SMG6: variants seen among roughly 807,000 people sequenced by gnomAD.
SMG6 encodes the protein SMG6 nonsense mediated mRNA decay factor, also known as telomerase-binding protein EST1A.
Under a neutral mutation model 142.2 loss-of-function variants are expected in SMG6, and 66 were observed. That is an observed-to-expected ratio of 0.46 (90% confidence interval 0.38 to 0.57). The LOEUF is 0.57. Ranked by LOEUF, SMG6 falls within the 20% of genes least tolerant of loss-of-function variation. The probability of loss-of-function intolerance (pLI) is 0.00; values close to 1 mark genes in which losing one functional copy is unlikely to be tolerated. For missense variants in SMG6, 1,793 were observed against 1,832.0 expected, an observed-to-expected ratio of 0.98 and a Z score of 0.39; for synonymous variants, 779 against 702.4, an observed-to-expected ratio of 1.11 and a Z score of -1.72.
chr17:2,062,551 C>T (rs892782795), intron 18 of SMG6: 13 of 151,428 alleles, frequency 8.6e-5, no homozygotes, highest in Admixed American at 8.6e-4. Context: ...TTCCCTAACT[C>T]CCTAATCTTT....
chr17:2,152,070 G>C (rs1436306666), intron 13 of SMG6, among the ~76,000 whole-genome samples: 1 of 152,200 alleles, frequency 6.6e-6, no homozygotes, highest in Non-Finnish European at 1.5e-5. Context: ...CTGACCTCTC[G>C]GGTATTCTGT....
chr17:2,183,982 G>C (rs1428257146), intron 12 of SMG6, among the ~76,000 whole-genome samples: 1 of 152,106 alleles, frequency 6.6e-6, no homozygotes, highest in Non-Finnish European at 1.5e-5. Flanking sequence ...CACAAACATG[G>C]ACACAACACA....
intron 4 of SMG6, among the ~76,000 whole-genome samples, chr17:2,297,023 A>AAAAG (rs895832519): frequency 4.6e-5 from 7 of 151,692 alleles, no homozygotes; most frequent in African/African-American, 7.3e-5. Flanking sequence ...AAAAAAAAAA[A>AAAAG]AAAGAAAGAA....
intron 8 of SMG6, among the ~76,000 whole-genome samples, chr17:2,246,895 A>C (rs1298614601): frequency 6.6e-6 from 1 of 152,180 alleles, no homozygotes; most frequent in African/African-American, 2.4e-5. Flanking sequence ...GCAGTGAGCC[A>C]AGATCATACC....
chr17:2,098,932 T>G (rs2068932978), intron 13 of SMG6, among the ~76,000 whole-genome samples: 1 of 152,134 alleles, frequency 6.6e-6, no homozygotes, highest in African/African-American at 2.4e-5. Context: ...TGCCTGGCCA[T>G]GTTACATGAA....
At chr17:2,147,739 A>G (rs1307641254) in intron 13 of SMG6, among the ~76,000 whole-genome samples, 1 of 152,334 alleles carries the variant, frequency 6.6e-6, no homozygotes, top group South Asian at 2.1e-4. Flanking sequence ...TCAAAACCAC[A>G]GTGCAATACT....
At chr17:2,162,805 C>A (rs2071222855) in intron 13 of SMG6, among the ~76,000 whole-genome samples, 3 of 152,084 alleles carry the variant, frequency 2.0e-5, no homozygotes, top group African/African-American at 4.8e-5. Context: ...TCAAGAAAAT[C>A]TTTTCTTTTC....
Position 2,098,551 on chromosome 17 carries a change from T to C in SMG6, c.3358-12650A>G, listed in dbSNP as rs561234246. ...TCATCTTGTCATTTACTTCTCCCCA[T>C]TGCAACCTATTAAGTTCTCTTTGGA... On this transcript the variant is annotated intron_variant, in intron 13 of 18. Transcript: ENST00000263073. Among the ~76,000 whole-genome samples, 16 of 152,320 alleles carry C rather than the reference T, an allele frequency of 1.1e-4. No individual in the cohort carries two copies. The South Asian group carries it at 3.1e-3, about 30-fold the overall frequency.
intron 8 of SMG6, among the ~76,000 whole-genome samples, chr17:2,257,056 A>G (rs930644303): frequency 4.0e-5 from 6 of 148,312 alleles, no homozygotes; most frequent in African/African-American, 1.5e-4. Context: ...GCTCACTGCA[A>G]CCTCCACCTC....
intron 10 of SMG6, among the ~76,000 whole-genome samples, chr17:2,205,440 A>G (rs1282240242): frequency 6.6e-6 from 1 of 152,194 alleles, no homozygotes; most frequent in Non-Finnish European, 1.5e-5. Flanking sequence ...TTATACCACA[A>G]TTCACAAAAG....
intron 13 of SMG6, among the ~76,000 whole-genome samples, chr17:2,133,562 G>A (rs1318448336): frequency 6.6e-6 from 1 of 152,100 alleles, no homozygotes; most frequent in Non-Finnish European, 1.5e-5. Context: ...TTAGACACAG[G>A]GTCTCAATAT....
intron 8 of SMG6, among the ~76,000 whole-genome samples, chr17:2,280,355 C>T (rs752717602): frequency 3.3e-5 from 5 of 152,126 alleles, no homozygotes; most frequent in East Asian, 1.9e-4. Flanking sequence ...CTCCGCCTCC[C>T]GGGTTCAAGC....
At chr17:2,255,276 C>A (rs955754793) in intron 8 of SMG6, among the ~76,000 whole-genome samples, 1 of 150,298 alleles carries the variant, frequency 6.7e-6, no homozygotes, top group Non-Finnish European at 1.5e-5. Flanking sequence ...TGGTGGCGGG[C>A]GCCTGTAGTC....
Position 2,085,603 on chromosome 17 carries a change from G to T in SMG6, c.3534+122C>A. On this transcript the variant is annotated intron_variant, in intron 14 of 18. Coordinates refer to ENST00000263073, the MANE Select transcript of SMG6 (RefSeq NM_017575.5). The surrounding 1 kb of genome is among the most constrained non-coding windows in gnomAD (Gnocchi z 4.1). ...AGAGCACACTCTCGAGAAGCTGGCT[G>T]GTCACATTAACACAGACGCTGTTCT... is the stretch of plus-strand genomic sequence containing the variant. 1 of 999,208 alleles carries T rather than the reference G, an allele frequency of 1.0e-6. No individual in the cohort carries two copies. Among genetic ancestry groups the T allele is most frequent in the Non-Finnish European group, 1.5e-6 (1 of 673,566 alleles). The allele number at this position is 999,208 out of a possible 1,614,324, so 61.9% of individuals were successfully genotyped here. A position where few individuals can be genotyped will look rare whatever the true frequency, so the allele number is the denominator to read the frequency against.
At chr17:2,067,111 T>G (rs1056187142) in intron 16 of SMG6, among the ~76,000 whole-genome samples, 1 of 152,228 alleles carries the variant, frequency 6.6e-6, no homozygotes, top group South Asian at 2.1e-4. Context: ...GAGGCTGGCC[T>G]GTATGGCTGT....
chr17:2,212,602 A>G (rs1443381754), intron 10 of SMG6: 2 of 152,336 alleles, frequency 1.3e-5, no homozygotes, highest in Non-Finnish European at 2.9e-5. Context: ...AAGAGAAAAC[A>G]AGGACTACTA....
At chr17:2,174,994 G>A (rs1045242787) in intron 12 of SMG6, among the ~76,000 whole-genome samples, 2 of 152,036 alleles carry the variant, frequency 1.3e-5, no homozygotes, top group South Asian at 2.1e-4. Flanking sequence ...TTTATCCTCC[G>A]GTCCCGGCTG....
At chr17:2,087,210 C>G (rs957222351) in intron 13 of SMG6, 1 of 1,290,222 alleles carries the variant, frequency 7.8e-7, no homozygotes, top group African/African-American at 1.5e-5. Context: ...AAGCTGTGCA[C>G]ACAGTAGGCT....
intron 8 of SMG6, among the ~76,000 whole-genome samples, chr17:2,271,301 G>A (rs980782671): frequency 3.3e-5 from 5 of 151,470 alleles, no homozygotes; most frequent in Non-Finnish European, 7.4e-5. Context: ...ATGTTGGCCA[G>A]GCTGGTCTTG....
Sources: gnomAD v4.1 joint callset for allele counts (sites outside exome capture counted in the v4.1 genomes callset) on GRCh38, gnomAD v4.1.1 for gene constraint, Gnocchi (gnomAD v3.1) non-coding constraint, MANE v1.5 for transcripts, NCBI Gene and HGNC (gene_info 2026-07-23, HGNC 2026-07-21) for gene names.